The following CDC42SE2 variants were observed in gnomAD, a reference collection of about 807,000 sequenced individuals.
CDC42SE2 encodes the protein CDC42 small effector protein 2.
A neutral mutation model predicts 11.5 loss-of-function variants in CDC42SE2; 3 were observed. The ratio of observed to expected loss-of-function variants is 0.26; its 90% CI spans 0.12 to 0.67. The LOEUF is 0.67. CDC42SE2 is among the 30% of genes least tolerant of loss of function. CDC42SE2 has a pLI of 0.80. For missense variants in CDC42SE2, 82 were observed against 106.8 expected, an observed-to-expected ratio of 0.77 and a Z score of 1.02; for synonymous variants, 33 against 34.8, an observed-to-expected ratio of 0.95 and a Z score of 0.18.
At chr5:131,350,795 A>C (rs1580773035) in intron 2 of CDC42SE2, among the ~76,000 whole-genome samples, 1 of 152,210 alleles carries the variant, frequency 6.6e-6, no homozygotes, top group East Asian at 1.9e-4. Context: ...AGAAAACTAA[A>C]AGCAATTTTG....
chr5:131,308,319 C>A (rs1408654502), intron 1 of CDC42SE2, among the ~76,000 whole-genome samples: 5 of 151,918 alleles, frequency 3.3e-5, no homozygotes, highest in Non-Finnish European at 5.9e-5. Flanking sequence ...TGTTTTGGTA[C>A]CAGTACCATG....
chr5:131,278,727 C>T (rs1757161778), intron 1 of CDC42SE2, among the ~76,000 whole-genome samples: 1 of 7,280 alleles, frequency 1.4e-4, no homozygotes, highest in Non-Finnish European at 2.7e-4. Context: ...CTCCCCTCCC[C>T]CCTCCCCTCC....
At chr5:131,273,614 C>T (rs1757039190) in intron 1 of CDC42SE2, among the ~76,000 whole-genome samples, 1 of 149,060 alleles carries the variant, frequency 6.7e-6, no homozygotes, top group South Asian at 2.1e-4. Context: ...ACTAAAAATA[C>T]AAAAAAAAAT....
In CDC42SE2 at chr5:131,354,717, C is replaced by A. The variant is rs182744008; in HGVS notation, c.-285-4492C>A. ...CTGTTTTTGCTATAGCAGAATAATG[C>A]TATTTTGCCATTTTAATTCTCGTAA... On this transcript the variant is annotated intron_variant, in intron 2 of 4. Transcript: ENST00000505065. 8 of 152,078 alleles carry A rather than the reference C, an allele frequency of 5.3e-5. No individual in the cohort carries two copies. In the East Asian group the frequency reaches 1.5e-3, roughly 29 times the overall value. The allele number at this position is 152,078 out of a possible 1,614,324, so 9.4% of individuals were successfully genotyped here.
intron 1 of CDC42SE2, among the ~76,000 whole-genome samples, chr5:131,286,738 TTTCTC>T (rs561037806): frequency 2.2e-3 from 342 of 152,094 alleles, no homozygotes; most frequent in African/African-American, 5.4e-3. Context: ...GTAATTATAT[TTTCTC>T]TTCTTTATGA....
intron 3 of CDC42SE2, among the ~76,000 whole-genome samples, chr5:131,369,470 A>C (rs1213908176): frequency 1.3e-5 from 2 of 152,310 alleles, no homozygotes; most frequent in African/African-American, 4.8e-5. Context: ...CAGCTGAGGA[A>C]GTTACCTTTA....
At chr5:131,282,288 A>G (rs1757252294) in intron 1 of CDC42SE2, among the ~76,000 whole-genome samples, 3 of 152,234 alleles carry the variant, frequency 2.0e-5, no homozygotes. Flanking sequence ...TTAAAGGCTA[A>G]GAACTGACCA....
At chr5:131,329,821 G>A (rs559057393) in intron 2 of CDC42SE2, among the ~76,000 whole-genome samples, 2 of 132,850 alleles carry the variant, frequency 1.5e-5, no homozygotes, top group South Asian at 5.2e-4. Flanking sequence ...AGAGGTTGTA[G>A]TGAGCTGAGA....
At chr5:131,383,216 G>C (rs1450987509) in intron 3 of CDC42SE2, among the ~76,000 whole-genome samples, 1 of 152,180 alleles carries the variant, frequency 6.6e-6, no homozygotes, top group Non-Finnish European at 1.5e-5. Context: ...CTTTGTATGA[G>C]GCACCTCTAA....
At chr5:131,368,568 C>T (rs1370633421) in intron 3 of CDC42SE2, among the ~76,000 whole-genome samples, 1 of 152,074 alleles carries the variant, frequency 6.6e-6, no homozygotes, top group Non-Finnish European at 1.5e-5. Context: ...TTGGATTAGA[C>T]CTGTATTGAA....
chr5:131,324,898 A>T (rs1295361611), intron 2 of CDC42SE2, among the ~76,000 whole-genome samples: 1 of 152,222 alleles, frequency 6.6e-6, no homozygotes, highest in Non-Finnish European at 1.5e-5. Context: ...AAAGTTTAGA[A>T]ACAAGGTTTT....
chr5:131,235,576 C>T, the CDC42SE2 span, among the ~76,000 whole-genome samples: 15 of 151,850 alleles, frequency 9.9e-5, no homozygotes, highest in Admixed American at 5.3e-4. Context: ...GTGTGAGCCA[C>T]TGTGCCTGGC....
At chr5:131,356,474 G>A (rs1453149249) in intron 2 of CDC42SE2, among the ~76,000 whole-genome samples, 1 of 152,188 alleles carries the variant, frequency 6.6e-6, no homozygotes, top group Non-Finnish European at 1.5e-5. Flanking sequence ...GATAGAAGAT[G>A]TATTGATATC....
intron 1 of CDC42SE2, among the ~76,000 whole-genome samples, chr5:131,299,262 A>G (rs1465022679): frequency 6.6e-6 from 1 of 152,180 alleles, no homozygotes; most frequent in African/African-American, 2.4e-5. Context: ...TAGAAGTATC[A>G]TTCTAGCCAA....
chr5:131,356,915 A>AT (rs1166599169), intron 2 of CDC42SE2, among the ~76,000 whole-genome samples: 11 of 151,030 alleles, frequency 7.3e-5, no homozygotes, highest in African/African-American at 2.2e-4. Flanking sequence ...CTGAAAAAAA[A>AT]TTTTTTTTTT....
chr5:131,232,672 T>C, the CDC42SE2 span, among the ~76,000 whole-genome samples: 2 of 139,052 alleles, frequency 1.4e-5, no homozygotes, highest in African/African-American at 5.6e-5. Context: ...AGGCGGAGGT[T>C]GCAGTGAGCC....
intron 3 of CDC42SE2, among the ~76,000 whole-genome samples, chr5:131,378,113 C>T (rs1190221997): frequency 6.6e-6 from 1 of 152,098 alleles, no homozygotes; most frequent in Non-Finnish European, 1.5e-5. Context: ...TGTGAATGTT[C>T]AGAACAGGAA....
At chr5:131,306,961 G>C (rs770141028) in intron 1 of CDC42SE2, among the ~76,000 whole-genome samples, 11 of 151,716 alleles carry the variant, frequency 7.3e-5, no homozygotes, top group Non-Finnish European at 1.6e-4. Flanking sequence ...ACTTTACTTC[G>C]TTTATCAGTT....
intron 1 of CDC42SE2, among the ~76,000 whole-genome samples, chr5:131,309,725 T>C (rs1757859988): frequency 6.6e-6 from 1 of 152,028 alleles, no homozygotes; most frequent in Admixed American, 6.6e-5. Context: ...TTTTCTAGTT[T>C]ATTTGCGTAG....
Sources: allele counts gnomAD v4.1 joint callset (sites outside exome capture counted in the v4.1 genomes callset), GRCh38; gene constraint gnomAD v4.1.1; transcripts MANE v1.5; gene names NCBI Gene and HGNC (gene_info 2026-07-23, HGNC 2026-07-21).